The following MAP3K1 variants were observed in gnomAD, a reference collection of about 807,000 sequenced individuals.
The protein encoded by MAP3K1 is mitogen-activated protein kinase kinase kinase 1.
MAP3K1 carries 36 observed loss-of-function variants against 144.2 expected under a neutral mutation model. The observed-to-expected ratio is 0.25, with a 90% CI of 0.19 to 0.33. The LOEUF is 0.33. Among genes scored for constraint, MAP3K1 ranks in the 10% least tolerant of loss-of-function variants. MAP3K1 has a pLI of 1.00. For synonymous variants in MAP3K1, 718 were observed against 688.7 expected (o/e 1.04, Z -0.67); for missense variants, 1,650 against 1,881.9 (o/e 0.88, Z 2.28).
chr5:56,861,894 GT>G (rs998311057), intron 3 of MAP3K1, among the ~76,000 whole-genome samples: 3 of 151,258 alleles, frequency 2.0e-5, no homozygotes, highest in African/African-American at 7.3e-5. Context: ...AGGAGTTTGG[GT>G]TTTTTTTTAA....
Position 56,858,244 on chromosome 5 carries a change from C to G in MAP3K1, c.634-1471C>G, listed in dbSNP as rs185548262. On this transcript the variant is annotated intron_variant, in intron 2 of 19. Coordinates refer to ENST00000399503, the MANE Select transcript of MAP3K1 (RefSeq NM_005921.2). Reference sequence around the variant, plus strand: ...CTTTAGATGGAGGTGTTCAAACAGCCTAAATCTTTTGAGAATACCGTAGGG... The same window carrying G: ...CTTTAGATGGAGGTGTTCAAACAGCGTAAATCTTTTGAGAATACCGTAGGG... Among the ~76,000 whole-genome samples the G allele has an allele frequency of 4.9e-3, 741 of 152,242 alleles. 5 individuals are homozygous for G. The highest frequency in any genetic ancestry group is 4.7e-3 in the Non-Finnish European group (318 of 68,018).
chr5:56,873,121 A>G, intron 9 of MAP3K1, 116 bp downstream of exon 9: 1 of 914,070 alleles, frequency 1.1e-6, no homozygotes, highest in Non-Finnish European at 1.7e-6. Context: ...TGCCTCCATC[A>G]TGACCTTCAT....
Position 56,824,831 on chromosome 5 carries a change from CT to C in MAP3K1, c.482+8782del, listed in dbSNP as rs1318153118. On this transcript the variant is annotated intron_variant, in intron 1 of 19. Coordinates refer to ENST00000399503, the MANE Select transcript of MAP3K1 (RefSeq NM_005921.2). The stretch of plus-strand genomic sequence containing the variant: ...TTATCTATTATCTGTGTGGAGAAAT[CT>C]TTTTTGTTATTGTTGACCTGAGTCA... Among the ~76,000 whole-genome samples, 10 of 152,002 alleles carry C rather than the reference CT, an allele frequency of 6.6e-5. 1 individual carries two copies. Among genetic ancestry groups the C allele is most frequent in the Middle Eastern group, 6.3e-3 (2 of 316 alleles).
intron 19 of MAP3K1, 118 bp downstream of exon 19, chr5:56,888,475 G>GAA: frequency 1.1e-6 from 1 of 882,816 alleles, no homozygotes; most frequent in Non-Finnish European, 1.8e-6. Context: ...TAAATAGTCT[G>GAA]TATATTTATT....
intron 16 of MAP3K1, 83 bp downstream of exon 16, chr5:56,884,909 T>G (rs1165363706): frequency 7.7e-7 from 1 of 1,290,452 alleles, no homozygotes; most frequent in Non-Finnish European, 1.1e-6. Context: ...TAATTAAAAT[T>G]TATTTCTATC....
intron 17 of MAP3K1, among the ~76,000 whole-genome samples, 191 bp downstream of exon 17, chr5:56,886,254 AT>A (rs1314929663): frequency 6.6e-6 from 1 of 152,148 alleles, no homozygotes; most frequent in Admixed American, 6.6e-5. Context: ...AAATACAAAA[AT>A]TAACAGGGTA....
At chr5:56,829,871 C>T (rs1746435126) in intron 1 of MAP3K1, among the ~76,000 whole-genome samples, 1 of 152,178 alleles carries the variant, frequency 6.6e-6, no homozygotes, top group Non-Finnish European at 1.5e-5. Flanking sequence ...AATCATCCTG[C>T]AGTTTTTTAA....
chr5:56,875,874 G>C (rs1579771894), intron 10 of MAP3K1, among the ~76,000 whole-genome samples: 1 of 151,904 alleles, frequency 6.6e-6, no homozygotes, highest in South Asian at 2.1e-4. Flanking sequence ...ACGTTATTCT[G>C]ATTTTTTAAA....
At chr5:56,874,910 G>A in intron 9 of MAP3K1, 122 bp from the exon 10 acceptor site, 1 of 983,242 alleles carries the variant, frequency 1.0e-6, no homozygotes, top group Non-Finnish European at 1.6e-6. Context: ...AGTTGTGAAG[G>A]ATGGTAAAGA....
intron 1 of MAP3K1, among the ~76,000 whole-genome samples, chr5:56,852,589 T>A (rs1747208399): frequency 1.3e-5 from 2 of 152,366 alleles, no homozygotes; most frequent in Non-Finnish European, 2.9e-5. Context: ...CTCTTATTTT[T>A]CTGACCACAA....
At chr5:56,866,450 T>G (rs1313057406) in intron 6 of MAP3K1, among the ~76,000 whole-genome samples, 2 of 152,182 alleles carry the variant, frequency 1.3e-5, no homozygotes, top group Non-Finnish European at 2.9e-5. Flanking sequence ...TGTATGTATG[T>G]ATGTTAAAGG....
rs367982820 is a variant in MAP3K1, at chr5:56,872,961, C to G, written c.1642C>G (p.Gln548Glu). The change falls in exon 9 of 20, where the codon CAA becomes GAA. Residue 548 changes from glutamine (Q) to glutamate (E), a missense_variant. This residue lies in a region of MAP3K1 where 841 missense variants were observed against 886.5 expected (regional missense o/e 0.95). Coordinates refer to ENST00000399503, the MANE Select transcript of MAP3K1 (RefSeq NM_005921.2). Reference sequence around the variant, plus strand: ...TAACCTTACTCATTATGGAACTCAGCAAATCCCTCCTGCTTACAAAGATTT... The same window carrying G: ...TAACCTTACTCATTATGGAACTCAGGAAATCCCTCCTGCTTACAAAGATTT... ...NFNLTHYGTQ[Q>E]IPPAYKDLAE... 7 of 1,613,924 alleles carry G rather than the reference C, an allele frequency of 4.3e-6. No individual in the cohort carries two copies. Among genetic ancestry groups the G allele is most frequent in the Non-Finnish European group, 5.9e-6 (7 of 1,179,948 alleles).
intron 6 of MAP3K1, 100 bp downstream of exon 6, chr5:56,866,077 A>C (rs1024569606): frequency 4.1e-5 from 42 of 1,031,836 alleles, no homozygotes; most frequent in Non-Finnish European, 5.9e-5. Context: ...AAAATGATTT[A>C]ATTATTGAAT....
intron 1 of MAP3K1, among the ~76,000 whole-genome samples, chr5:56,850,440 G>A (rs1295279256): frequency 6.6e-6 from 1 of 152,126 alleles, no homozygotes; most frequent in Non-Finnish European, 1.5e-5. Flanking sequence ...TGCCTCTATT[G>A]CAGTGAAATG....
At chr5:56,849,262 A>T (rs1242050620) in intron 1 of MAP3K1, among the ~76,000 whole-genome samples, 1 of 151,346 alleles carries the variant, frequency 6.6e-6, no homozygotes, top group Non-Finnish European at 1.5e-5. Flanking sequence ...ACGCTGGAGG[A>T]TTGCTTGAAT....
intron 5 of MAP3K1, 112 bp downstream of exon 5, chr5:56,865,568 A>G (rs1215443641): frequency 2.7e-6 from 2 of 749,814 alleles, no homozygotes; most frequent in Non-Finnish European, 4.7e-6. Flanking sequence ...GTGTGAAGGT[A>G]TGTAAGAATT....
At chr5:56,891,672 G>C (rs1364523154) in intron 19 of MAP3K1, among the ~76,000 whole-genome samples, 3 of 152,178 alleles carry the variant, frequency 2.0e-5, no homozygotes, top group Non-Finnish European at 2.9e-5. Context: ...ATGGTTTTAG[G>C]TCTAACATTT....
At chr5:56,874,912 TG>T in intron 9 of MAP3K1, 119 bp from the exon 10 acceptor site, 1 of 995,700 alleles carries the variant, frequency 1.0e-6, no homozygotes, top group African/African-American at 1.6e-5. Flanking sequence ...TTGTGAAGGA[TG>T]GTAAAGATTT....
chr5:56,855,498 T>C (rs1168237882), intron 1 of MAP3K1, among the ~76,000 whole-genome samples: 1 of 152,244 alleles, frequency 6.6e-6, no homozygotes, highest in Non-Finnish European at 1.5e-5. Context: ...CCTTCTACTT[T>C]CCTCACAGTC....
Sources: allele counts gnomAD v4.1 joint callset (sites outside exome capture counted in the v4.1 genomes callset), GRCh38; gene constraint gnomAD v4.1.1; regional missense constraint gnomAD v4.1.1; transcripts MANE v1.5; gene names NCBI Gene and HGNC (gene_info 2026-07-23, HGNC 2026-07-21).